The following INSL6 variants were observed in gnomAD, a reference collection of about 807,000 sequenced individuals.
The protein encoded by INSL6 is insulin-like peptide INSL6.
INSL6 carries 16 observed loss-of-function variants against 9.4 expected under a neutral mutation model. The observed-to-expected ratio is 1.70, with a 90% CI of 1.15 to 2.59. The LOEUF is 2.59. Ranked by LOEUF, INSL6 falls within the 30% of genes most tolerant of loss-of-function variation. The pLI is 0.00. For missense variants in INSL6, 391 were observed against 257.3 expected (o/e 1.52, Z -3.56); for synonymous variants, 154 against 96.9 (o/e 1.59, Z -3.46).
At chr9:5,169,085 C>G (rs889564711) in intron 1 of INSL6, among the ~76,000 whole-genome samples, 25 of 152,136 alleles carry the variant, frequency 1.6e-4, no homozygotes, top group Non-Finnish European at 3.4e-4. Flanking sequence ...CGCCACCATG[C>G]CCGGCTAATT....
chr9:5,049,725 G>A, the INSL6 span, among the ~76,000 whole-genome samples: 5 of 152,084 alleles, frequency 3.3e-5, no homozygotes, highest in African/African-American at 7.2e-5. Flanking sequence ...GAAATATGTC[G>A]TTAGGCAATT....
intron 2 of INSL6, among the ~76,000 whole-genome samples, chr9:5,152,971 A>G (rs955254834): frequency 6.6e-6 from 1 of 152,132 alleles, no homozygotes; most frequent in African/African-American, 2.4e-5. Context: ...CTCCAAGTCA[A>G]GCGAAGCCAT....
At chr9:5,141,835 A>C (rs1477471150) in intron 2 of INSL6, among the ~76,000 whole-genome samples, 1 of 152,056 alleles carries the variant, frequency 6.6e-6, no homozygotes, top group Non-Finnish European at 1.5e-5. Context: ...TGTCTCCCAG[A>C]GTATTTACAG....
At chr9:5,061,601 A>G in the INSL6 span, among the ~76,000 whole-genome samples, 11 of 152,238 alleles carry the variant, frequency 7.2e-5, no homozygotes, top group African/African-American at 1.4e-4. Flanking sequence ...GCTCTAGATT[A>G]GGCTTTGGCT....
intron 2 of INSL6, among the ~76,000 whole-genome samples, chr9:5,141,918 GT>G (rs1291597183): frequency 6.6e-6 from 1 of 152,130 alleles, no homozygotes; most frequent in Non-Finnish European, 1.5e-5. Flanking sequence ...AAGGGGTCCA[GT>G]TTTAATCTGC....
At chr9:5,135,185 C>A (rs1824368288) in intron 2 of INSL6, among the ~76,000 whole-genome samples, 1 of 152,116 alleles carries the variant, frequency 6.6e-6, no homozygotes, top group Admixed American at 6.5e-5. Context: ...ATCCATAAAA[C>A]AAGTTCTTAG....
At chr9:5,074,690 A>G in the INSL6 span, among the ~76,000 whole-genome samples, 2 of 152,296 alleles carry the variant, frequency 1.3e-5, no homozygotes, top group East Asian at 1.9e-4. Context: ...TTTAATAATC[A>G]CACAATGGTC....
chr9:5,019,362 G>A, the INSL6 span, among the ~76,000 whole-genome samples: 10 of 151,916 alleles, frequency 6.6e-5, no homozygotes, highest in Admixed American at 3.9e-4. Context: ...GAATTCTTCA[G>A]TTTCAGGGTT....
intron 2 of INSL6, among the ~76,000 whole-genome samples, chr9:5,141,988 CTTGT>C (rs1199641187): frequency 2.0e-5 from 3 of 151,114 alleles, no homozygotes; most frequent in African/African-American, 4.8e-5. Flanking sequence ...TTAGCCATTG[CTTGT>C]TTTTGTCAGG....
chr9:5,021,824 G>C, the INSL6 span: 2 of 594,062 alleles, frequency 3.4e-6, no homozygotes, highest in Admixed American at 6.1e-5. Flanking sequence ...GTAGAGATGA[G>C]GTTTCACCAT....
the INSL6 span, among the ~76,000 whole-genome samples, chr9:5,079,881 C>G: frequency 1.3e-5 from 2 of 151,794 alleles, no homozygotes; most frequent in East Asian, 3.9e-4. Context: ...AAATGGTATG[C>G]CAGTTGAGAC....
intron 3 of INSL6, among the ~76,000 whole-genome samples, chr9:5,128,592 T>TAAC (rs1195934639): frequency 6.6e-6 from 1 of 151,952 alleles, no homozygotes; most frequent in East Asian, 1.9e-4. Flanking sequence ...AGATGTGAAC[T>TAAC]AACTTTTCTT....
chr9:5,076,516 G>A, the INSL6 span, among the ~76,000 whole-genome samples: 1 of 152,030 alleles, frequency 6.6e-6, no homozygotes, highest in Non-Finnish European at 1.5e-5. Context: ...TTTTTAAAAA[G>A]ATATATTCTT....
the INSL6 span, among the ~76,000 whole-genome samples, chr9:5,086,425 C>G: frequency 6.6e-6 from 1 of 152,232 alleles, no homozygotes; most frequent in Non-Finnish European, 1.5e-5. Flanking sequence ...AGTGCGACTA[C>G]TTTGAAATTA....
At chr9:5,089,652 C>G in the INSL6 span, 1 of 1,272,728 alleles carries the variant, frequency 7.9e-7, no homozygotes, top group Non-Finnish European at 1.0e-6. Flanking sequence ...GTATTTCCAT[C>G]CTAATGTGAT....
intron 1 of INSL6, among the ~76,000 whole-genome samples, chr9:5,178,111 G>A (rs1435733597): frequency 6.6e-6 from 1 of 152,196 alleles, no homozygotes; most frequent in Non-Finnish European, 1.5e-5. Context: ...CTGATGTCAA[G>A]TGATCCACCC....
chr9:5,132,889 C>G (rs915570662), intron 3 of INSL6: 2 of 152,170 alleles, frequency 1.3e-5, no homozygotes, highest in Non-Finnish European at 2.9e-5. Flanking sequence ...ACTTTCAGTT[C>G]TGCTACCGCT....
intron 1 of INSL6, among the ~76,000 whole-genome samples, chr9:5,175,427 T>A (rs980290099): frequency 1.3e-5 from 2 of 152,122 alleles, no homozygotes; most frequent in East Asian, 3.9e-4. Context: ...GAGTGATCCA[T>A]TTAAAATGTC....
At chr9:5,014,001 T>G in the INSL6 span, among the ~76,000 whole-genome samples, 3 of 152,158 alleles carry the variant, frequency 2.0e-5, no homozygotes, top group African/African-American at 7.2e-5. Context: ...GCATTACTTC[T>G]TCATGTATAT....
Sources: allele counts gnomAD v4.1 joint callset (sites outside exome capture counted in the v4.1 genomes callset), GRCh38; gene constraint gnomAD v4.1.1; transcripts MANE v1.5; gene names NCBI Gene and HGNC (gene_info 2026-07-23, HGNC 2026-07-21).